NUS1: variants seen among roughly 807,000 people sequenced by gnomAD.
NUS1 encodes the protein dehydrodolichyl diphosphate synthase complex subunit NUS1.
For missense variants in NUS1, 292 were observed against 382.9 expected (o/e 0.76, Z 1.98); for synonymous variants, 135 against 155.2 (o/e 0.87, Z 0.97).
At chr6:117,683,118 TA>T (rs1439634523) in intron 1 of NUS1, among the ~76,000 whole-genome samples, 1 of 152,200 alleles carries the variant, frequency 6.6e-6, no homozygotes, top group Non-Finnish European at 1.5e-5. Context: ...ATTCTCATTT[TA>T]AAAATGTCCA....
chr6:117,686,845 AGTGTGTATGTGTGTGT>A (rs926769163), intron 1 of NUS1, among the ~76,000 whole-genome samples: 12 of 114,488 alleles, frequency 1.0e-4, no homozygotes, highest in African/African-American at 3.4e-4. Flanking sequence ...TATCATGTGA[AGTGTGTATGTGTGTGT>A]GTGTGTGTGT....
At chr6:117,696,885 G>T (rs1312373485) in intron 3 of NUS1, among the ~76,000 whole-genome samples, 1 of 151,962 alleles carries the variant, frequency 6.6e-6, no homozygotes, top group Non-Finnish European at 1.5e-5. Flanking sequence ...CTGTAACTGT[G>T]GTGTATAAAA....
chr6:117,703,199 AT>A (rs1562182863), intron 3 of NUS1, among the ~76,000 whole-genome samples: 1 of 152,214 alleles, frequency 6.6e-6, no homozygotes. Context: ...CTCTGAAGTT[AT>A]TCAATTCTGT....
chr6:117,692,017 G>T (rs1773229919), intron 1 of NUS1, among the ~76,000 whole-genome samples: 1 of 151,942 alleles, frequency 6.6e-6, no homozygotes, highest in Admixed American at 6.6e-5. Context: ...TCCATAGAAT[G>T]GACACATTTG....
intron 3 of NUS1, among the ~76,000 whole-genome samples, chr6:117,695,513 C>T (rs1773306841): frequency 6.6e-6 from 1 of 152,134 alleles, no homozygotes; most frequent in Non-Finnish European, 1.5e-5. Context: ...TTCATAAGGA[C>T]ATTCTAAAAG....
At chr6:117,678,908 C>T (rs1274551227) in intron 1 of NUS1, among the ~76,000 whole-genome samples, 1 of 152,146 alleles carries the variant, frequency 6.6e-6, no homozygotes, top group Non-Finnish European at 1.5e-5. Flanking sequence ...TCTCAAACTC[C>T]TGACCTCAGG....
At chr6:117,691,566 T>TAG (rs1554201829) in intron 1 of NUS1, among the ~76,000 whole-genome samples, 1 of 51,252 alleles carries the variant, frequency 2.0e-5, no homozygotes, top group African/African-American at 3.7e-5. Flanking sequence ...TAGATATATA[T>TAG]ATATATATAT....
In NUS1 at chr6:117,694,022, T is replaced by C. The variant is rs773851832; in HGVS notation, c.542-9T>C. 20 of 1,597,328 alleles carry C rather than the reference T, an allele frequency of 1.3e-5. No homozygotes were observed. Among genetic ancestry groups the C allele is most frequent in the South Asian group, 3.4e-5 (3 of 88,010 alleles). ...GTTTTTAAAATACATTGTTTGTTTT[T>C]TCTTCCAGTTTTAAATTGCCATTTG... On this transcript the variant is annotated splice_polypyrimidine_tract_variant and intron_variant, in intron 2 of 4. Transcript: ENST00000368494.
intron 1 of NUS1, among the ~76,000 whole-genome samples, chr6:117,682,153 CCTAA>C (rs140635551): frequency 0.028 from 4,286 of 152,228 alleles, 69 homozygotes; most frequent in Non-Finnish European, 0.04. Flanking sequence ...GTAAGTTCAT[CCTAA>C]CTATCATCTC....
chr6:117,691,888 T>C (rs189018845), intron 1 of NUS1, among the ~76,000 whole-genome samples: 1 of 151,940 alleles, frequency 6.6e-6, no homozygotes, highest in African/African-American at 2.4e-5. Flanking sequence ...TGTTACTCTT[T>C]AATGTCAACA....
chr6:117,688,373 G>A (rs1274977759), intron 1 of NUS1, among the ~76,000 whole-genome samples: 1 of 152,158 alleles, frequency 6.6e-6, no homozygotes, highest in African/African-American at 2.4e-5. Flanking sequence ...GTTGATAATG[G>A]GAGAGTAGAG....
At chr6:117,699,400 C>T (rs1055678109) in intron 3 of NUS1, among the ~76,000 whole-genome samples, 1 of 151,964 alleles carries the variant, frequency 6.6e-6, no homozygotes, top group African/African-American at 2.4e-5. Context: ...ATAATAGATA[C>T]AAATAAAATT....
In NUS1 at chr6:117,675,592, G is replaced by T. The variant is rs1416858831; in HGVS notation, c.-79G>T. 3 of 1,422,338 alleles carry T rather than the reference G, an allele frequency of 2.1e-6. No individual in the cohort carries two copies. The highest frequency in any genetic ancestry group is 2.9e-6 in the Non-Finnish European group (3 of 1,051,674). The allele number at this position is 1,422,338 out of a possible 1,614,324, so 88.1% of individuals were successfully genotyped here. On this transcript the variant is annotated 5_prime_UTR_variant, in exon 1 of 5. Transcript: ENST00000368494. ...GGGACGCGGAGCGATGGCCCGCGCC[G>T]GCCGCAGGGGCGGATAAAAAGCCGT...
chr6:117,676,144 G>A, intron 1 of NUS1, 59 bp downstream of exon 1: 1 of 1,548,252 alleles, frequency 6.5e-7, no homozygotes. Flanking sequence ...TAGACCGCTG[G>A]TCTGGCGGGT....
rs544544094 is a variant in NUS1, at chr6:117,710,108, C to T, written c.*3093C>T. On this transcript the variant is annotated 3_prime_UTR_variant, in exon 5 of 5. Coordinates refer to ENST00000368494, the MANE Select transcript of NUS1 (RefSeq NM_138459.5). ...GAATATGAAATTTCCAAATTAAAAA[C>T]GTATATGTGTACTCTTTTAAAAAGG... 1.7e-4 allele frequency: 26 copies of T among 152,036 alleles called. No individual in the cohort carries two copies. The South Asian group carries it at 5.2e-3, about 30-fold the overall frequency. The allele number at this position is 152,036 out of a possible 1,614,324, so 9.4% of individuals were successfully genotyped here.
Position 117,675,555 on chromosome 6 carries a change from T to C in NUS1, c.-116T>C. On this transcript the variant is annotated 5_prime_UTR_variant, in exon 1 of 5. Coordinates refer to ENST00000368494, the MANE Select transcript of NUS1 (RefSeq NM_138459.5). ...GTTGGCAGTGGAAAGGGGTTCGGGC[T>C]CGGGGGGCGGGGGGACGCGGAGCGA... The C allele has an allele frequency of 9.1e-7, 1 of 1,099,406 alleles. No individual in the cohort carries two copies. The highest frequency in any genetic ancestry group is 2.4e-5 in the Admixed American group (1 of 42,200). 68.1% of individuals were successfully genotyped at this position (1,099,406 alleles called of 1,614,324 possible).
rs530361681 is a variant in NUS1 at position 117,682,381 on chromosome 6, C to T, written c.415+6296C>T. On this transcript the variant is annotated intron_variant, in intron 1 of 4. Transcript: ENST00000368494. ...TTAGGAGGCTGACATGGGAGGATTG[C>T]TTGAGCCCAGGAGTTTAAGACCAGC... Among the ~76,000 whole-genome samples, 4 of 152,212 alleles carry T rather than the reference C, an allele frequency of 2.6e-5. No individual in the cohort carries two copies. In the East Asian group the frequency reaches 5.8e-4, roughly 22 times the overall value.
chr6:117,704,444 C>G (rs760330302), intron 4 of NUS1, among the ~76,000 whole-genome samples: 1 of 152,158 alleles, frequency 6.6e-6, no homozygotes, highest in Non-Finnish European at 1.5e-5. Context: ...CAGTCACTTG[C>G]AACTGCTCCT....
intron 1 of NUS1, among the ~76,000 whole-genome samples, chr6:117,689,656 G>C (rs1355187654): frequency 6.6e-6 from 1 of 152,008 alleles, no homozygotes; most frequent in African/African-American, 2.4e-5. Context: ...TGAACTCCTG[G>C]ACTCAAGCGA....
Sources: allele counts gnomAD v4.1 joint callset (sites outside exome capture counted in the v4.1 genomes callset), GRCh38; gene constraint gnomAD v4.1.1; transcripts MANE v1.5; gene names NCBI Gene and HGNC (gene_info 2026-07-23, HGNC 2026-07-21).